Variants in TVP23A observed in about 807,000 individuals in gnomAD.
TVP23A encodes the protein trans-golgi network vesicle protein 23 homolog A.
Under a neutral mutation model 31.7 loss-of-function variants are expected in TVP23A, and 21 were observed. The observed-to-expected ratio is 0.66, with a 90% CI of 0.47 to 0.95. The LOEUF (loss-of-function observed/expected upper bound fraction) is 0.95. TVP23A is among the 40% of genes least tolerant of loss of function. TVP23A has a pLI of 0.00. For missense variants in TVP23A, 279 were observed against 255.6 expected, an observed-to-expected ratio of 1.09 and a Z score of -0.62; for synonymous variants, 104 against 96.0, an observed-to-expected ratio of 1.08 and a Z score of -0.49.
chr16:10,765,590 T>C (rs774106319), downstream of TVP23A, among the ~76,000 whole-genome samples: 24 of 152,226 alleles, frequency 1.6e-4, no homozygotes, highest in Non-Finnish European at 3.4e-4. This position sits in a 1 kb window ranked among gnomAD's most constrained non-coding sequence, Gnocchi z 4.0. Flanking sequence ...CTTGCCATTG[T>C]CTGACAGATC....
At chr16:10,790,818 C>T (rs2142989974) in intron 2 of TVP23A, among the ~76,000 whole-genome samples, 1 of 152,242 alleles carries the variant, frequency 6.6e-6, no homozygotes, top group South Asian at 2.1e-4. Context: ...TCTTTCAGGG[C>T]CTGCTATCTG....
intron 2 of TVP23A, among the ~76,000 whole-genome samples, chr16:10,799,772 G>A (rs541950049): frequency 6.6e-6 from 1 of 152,162 alleles, no homozygotes; most frequent in South Asian, 2.1e-4. Flanking sequence ...AGGAGAGTTG[G>A]GGGTGAGTGG....
At chr16:10,805,006 C>G (rs536024971) in intron 2 of TVP23A, among the ~76,000 whole-genome samples, 15 of 152,188 alleles carry the variant, frequency 9.9e-5, no homozygotes, top group African/African-American at 2.6e-4. Flanking sequence ...TTCATCTATT[C>G]TGAGCAATCC....
At position 10,778,691 on chromosome 16, in the gene TVP23A, C is replaced by T. The variant is rs541534640; in HGVS notation, c.90-3595G>A. Among the ~76,000 whole-genome samples the T allele has an allele frequency of 1.3e-4, 19 of 150,514 alleles. No individual in the cohort carries two copies. In the East Asian group the frequency reaches 2.9e-3, roughly 23 times the overall value. On this transcript the variant is annotated intron_variant, in intron 2 of 7. Transcript: ENST00000299866. The stretch of plus-strand genomic sequence containing the variant: ...AAAAAAAAAAAGATAGAGGGTCGGG[C>T]GCGGTGGCCCATGCCTATAATCCCA...
chr16:10,757,792 A>G, downstream of TVP23A: 1 of 1,549,300 alleles, frequency 6.5e-7, no homozygotes. This position sits in a 1 kb window ranked among gnomAD's most constrained non-coding sequence, Gnocchi z 4.1. Flanking sequence ...GCAAGACCCC[A>G]TCCTTTAAAA....
intron 2 of TVP23A, among the ~76,000 whole-genome samples, chr16:10,809,724 G>A (rs774923406): frequency 1.6e-4 from 24 of 152,298 alleles, no homozygotes; most frequent in South Asian, 6.2e-4. Flanking sequence ...CTTGGCTAGG[G>A]AGTGGTAGAA....
rs533970446 is a variant in TVP23A at position 10,768,290 on chromosome 16, A to C, written c.*812T>G. 120 of 253,140 alleles carry C rather than the reference A, an allele frequency of 4.7e-4. No homozygotes were observed. Among genetic ancestry groups the C allele is most frequent in the Admixed American group, 3.2e-4 (6 of 18,922 alleles). 15.7% of individuals were successfully genotyped at this position (253,140 alleles called of 1,614,324 possible). On this transcript the variant is annotated 3_prime_UTR_variant, in exon 8 of 8. Transcript: ENST00000299866. This position sits in a 1 kb window ranked among gnomAD's most constrained non-coding sequence, Gnocchi z 4.3. ...TCCCAATAAAGGGATAAAGTAATTC[A>C]TTTTTAAAAGTAACTGATAAAAAAA...
At chr16:10,807,725 T>C (rs911613159) in intron 2 of TVP23A, among the ~76,000 whole-genome samples, 10 of 152,164 alleles carry the variant, frequency 6.6e-5, no homozygotes, top group African/African-American at 2.4e-4. Flanking sequence ...AGGAGGAACA[T>C]ATAAAGTACT....
At chr16:10,801,414 C>T (rs963847918) in intron 2 of TVP23A, among the ~76,000 whole-genome samples, 3 of 152,122 alleles carry the variant, frequency 2.0e-5, no homozygotes, top group African/African-American at 4.8e-5. Context: ...TAAAGAAAGG[C>T]TCGGAATAGT....
chr16:10,773,565 G>A (rs1441673639), intron 4 of TVP23A, 124 bp from the exon 5 acceptor site: 1 of 1,258,424 alleles, frequency 7.9e-7, no homozygotes, highest in Non-Finnish European at 1.1e-6. Flanking sequence ...TGTTGTTGGT[G>A]TTGTTTTGTT....
At chr16:10,778,783 T>C (rs1445349691) in intron 2 of TVP23A, among the ~76,000 whole-genome samples, 1 of 152,030 alleles carries the variant, frequency 6.6e-6, no homozygotes, top group Non-Finnish European at 1.5e-5. Flanking sequence ...CTGGCCAACA[T>C]GGTGAAACCC....
chr16:10,786,261 G>T (rs566256854), intron 2 of TVP23A, among the ~76,000 whole-genome samples: 2 of 152,228 alleles, frequency 1.3e-5, no homozygotes, highest in African/African-American at 4.8e-5. Context: ...ATTCGGCAGT[G>T]ATCTAACAAT....
At position 10,777,813 on chromosome 16, in the gene TVP23A, C is replaced by T. The variant is rs1196401978; in HGVS notation, c.90-2717G>A. ...GATCACGAGGTCAAGAGACTGAGACCATCCCTGGCCAACATGGTGAAACCC... is the reference window on the plus strand; with the variant it reads ...GATCACGAGGTCAAGAGACTGAGACTATCCCTGGCCAACATGGTGAAACCC... On this transcript the variant is annotated intron_variant, in intron 2 of 7. Coordinates refer to ENST00000299866, the MANE Select transcript of TVP23A (RefSeq NM_001079512.4). This position sits in a 1 kb window ranked among gnomAD's most constrained non-coding sequence, Gnocchi z 4.5. Among the ~76,000 whole-genome samples, 1 of 151,694 alleles carries T rather than the reference C, an allele frequency of 6.6e-6. No homozygotes were observed. Among genetic ancestry groups the T allele is most frequent in the Non-Finnish European group, 1.5e-5 (1 of 67,950 alleles).
At chr16:10,769,333 TA>T in intron 7 of TVP23A, 1 of 464,932 alleles carries the variant, frequency 2.2e-6, no homozygotes, top group African/African-American at 2.0e-5. Context: ...GTTTTAAGAA[TA>T]AAACCCCCTC....
At chr16:10,775,606 A>C in intron 2 of TVP23A, 4 of 932,010 alleles carry the variant, frequency 4.3e-6, no homozygotes, top group Non-Finnish European at 5.1e-6. Flanking sequence ...ATACTTGCTC[A>C]GTGGTGAATG....
chr16:10,778,667 A>T (rs1473284128), intron 2 of TVP23A, among the ~76,000 whole-genome samples: 1 of 152,030 alleles, frequency 6.6e-6, no homozygotes, highest in African/African-American at 2.4e-5. Context: ...AATGTAAAAA[A>T]AAAAAAAAAG....
chr16:10,761,495 C>G (rs746585413), exon 9 of TVP23A: 1 of 1,594,680 alleles, frequency 6.3e-7, no homozygotes, highest in Non-Finnish European at 8.6e-7. Flanking sequence ...GTGGGGCTGC[C>G]AGGCGAGCAA....
Position 10,804,739 on chromosome 16 carries a change from T to C in TVP23A, c.89+13364A>G, listed in dbSNP as rs568692492. Among the ~76,000 whole-genome samples the C allele has an allele frequency of 9.9e-5, 15 of 152,268 alleles. No homozygotes were observed. The East Asian group carries it at 2.5e-3, about 26-fold the overall frequency. ...CCAGCCTGCGCCACAGAGCTAGACA[T>C]TGTCTTTAAAACAAACAAACAAAAA... is the stretch of plus-strand genomic sequence containing the variant. On this transcript the variant is annotated intron_variant, in intron 2 of 7. Coordinates refer to ENST00000299866, the MANE Select transcript of TVP23A (RefSeq NM_001079512.4).
At chr16:10,797,958 T>TA (rs1182781104) in intron 2 of TVP23A, among the ~76,000 whole-genome samples, 1 of 145,406 alleles carries the variant, frequency 6.9e-6, no homozygotes, top group African/African-American at 2.5e-5. Flanking sequence ...TCTTTTTCTT[T>TA]TTTTTTTTTT....
Sources: allele counts gnomAD v4.1 joint callset (sites outside exome capture counted in the v4.1 genomes callset), GRCh38; gene constraint gnomAD v4.1.1; non-coding constraint Gnocchi (gnomAD v3.1); transcripts MANE v1.5; gene names NCBI Gene and HGNC (gene_info 2026-07-23, HGNC 2026-07-21).